Variants in PABPC4L observed in about 807,000 individuals in gnomAD.
PABPC4L encodes the protein poly(A) binding protein cytoplasmic 4 like, also known as polyadenylate-binding protein 4-like.
For missense variants in PABPC4L, 452 were observed against 451.4 expected (o/e 1.00, Z -0.01); for synonymous variants, 169 against 164.1 (o/e 1.03, Z -0.23).
the PABPC4L span, among the ~76,000 whole-genome samples, chr4:134,086,818 A>G: frequency 8.8e-6 from 1 of 113,978 alleles, no homozygotes; most frequent in Non-Finnish European, 1.9e-5. Flanking sequence ...TTTTATTATT[A>G]TACTTTAAGA....
the PABPC4L span, among the ~76,000 whole-genome samples, chr4:133,950,062 C>T: frequency 6.6e-6 from 1 of 152,154 alleles, no homozygotes; most frequent in Non-Finnish European, 1.5e-5. Context: ...TTCTCTCTAG[C>T]TTTCCAGAGG....
At chr4:134,180,271 C>T in the PABPC4L span, among the ~76,000 whole-genome samples, 3 of 151,832 alleles carry the variant, frequency 2.0e-5, no homozygotes, top group East Asian at 5.8e-4. Context: ...AACTTAAAAA[C>T]TTGGCTTTTG....
At chr4:133,972,504 GGA>G in the PABPC4L span, among the ~76,000 whole-genome samples, 1 of 151,990 alleles carries the variant, frequency 6.6e-6, no homozygotes, top group South Asian at 2.1e-4. Context: ...TCCATCTCTG[GGA>G]GTTCCTTTGG....
At chr4:134,045,227 ATATTAGTGAAGATC>A in the PABPC4L span, among the ~76,000 whole-genome samples, 2 of 152,188 alleles carry the variant, frequency 1.3e-5, no homozygotes, top group Non-Finnish European at 2.9e-5. Flanking sequence ...AAATTTTAAA[ATATTAGTGAAGATC>A]TATTATACCC....
chr4:134,113,287 C>G, the PABPC4L span, among the ~76,000 whole-genome samples: 581 of 152,064 alleles, frequency 3.8e-3, 5 homozygotes, highest in African/African-American at 0.014. Context: ...CCCTCACATT[C>G]ACTCACCACT....
chr4:133,972,332 T>G, the PABPC4L span, among the ~76,000 whole-genome samples: 23 of 152,300 alleles, frequency 1.5e-4, no homozygotes, highest in African/African-American at 5.5e-4. Context: ...GTATACTTAT[T>G]TTGAATGAAT....
the PABPC4L span, among the ~76,000 whole-genome samples, chr4:134,142,039 T>G: frequency 6.6e-6 from 1 of 151,710 alleles, no homozygotes; most frequent in African/African-American, 2.4e-5. Context: ...ATTTCATGTT[T>G]ATGCAGAGGA....
the PABPC4L span, among the ~76,000 whole-genome samples, chr4:134,013,145 G>A: frequency 4.9e-3 from 742 of 151,630 alleles, 8 homozygotes; most frequent in African/African-American, 0.017. Context: ...CCCCTTCTCC[G>A]CTTTTCTAGG....
chr4:134,194,930 G>T (rs1446028182), downstream of PABPC4L, among the ~76,000 whole-genome samples: 1 of 151,634 alleles, frequency 6.6e-6, no homozygotes, highest in Non-Finnish European at 1.5e-5. Flanking sequence ...GGTTTTTAAG[G>T]AGAAGAATGA....
At chr4:133,985,462 C>T in the PABPC4L span, among the ~76,000 whole-genome samples, 1 of 151,688 alleles carries the variant, frequency 6.6e-6, no homozygotes, top group Non-Finnish European at 1.5e-5. Flanking sequence ...ATTACAAATC[C>T]AAATATATCT....
chr4:134,175,449 CAATT>C, the PABPC4L span, among the ~76,000 whole-genome samples: 12 of 151,308 alleles, frequency 7.9e-5, no homozygotes, highest in African/African-American at 2.2e-4. Flanking sequence ...ATTAATCAAT[CAATT>C]AATTAATTAA....
the PABPC4L span, among the ~76,000 whole-genome samples, chr4:134,147,713 G>A: frequency 1.3e-3 from 190 of 146,744 alleles, 1 homozygote; most frequent in African/African-American, 4.6e-3. Flanking sequence ...GGTAGTCAAT[G>A]TTCAGAAATT....
At chr4:134,066,242 T>A in the PABPC4L span, among the ~76,000 whole-genome samples, 1 of 152,090 alleles carries the variant, frequency 6.6e-6, no homozygotes, top group Non-Finnish European at 1.5e-5. Context: ...TTTGTAATTC[T>A]CATTGTAGAC....
chr4:134,046,957 C>A, the PABPC4L span, among the ~76,000 whole-genome samples: 3 of 152,280 alleles, frequency 2.0e-5, no homozygotes, highest in South Asian at 6.2e-4. Flanking sequence ...GACACAGTAA[C>A]AGTCTGATCT....
chr4:134,098,472 A>T, the PABPC4L span, among the ~76,000 whole-genome samples: 1 of 151,598 alleles, frequency 6.6e-6, no homozygotes, highest in Non-Finnish European at 1.5e-5. Flanking sequence ...TGGGGAAGAC[A>T]TCATCAATAT....
At chr4:134,073,383 C>A in the PABPC4L span, among the ~76,000 whole-genome samples, 1 of 152,214 alleles carries the variant, frequency 6.6e-6, no homozygotes, top group Non-Finnish European at 1.5e-5. Context: ...ATCCAGGTCA[C>A]GCTGATGGAA....
At chr4:133,951,977 C>G in the PABPC4L span, among the ~76,000 whole-genome samples, 1 of 152,148 alleles carries the variant, frequency 6.6e-6, no homozygotes, top group African/African-American at 2.4e-5. Flanking sequence ...CTTTCTGTCA[C>G]CAATTAGATG....
the PABPC4L span, among the ~76,000 whole-genome samples, chr4:134,044,455 G>A: frequency 4.9e-3 from 737 of 151,816 alleles, 9 homozygotes; most frequent in African/African-American, 0.017. Context: ...TAATAGAGAC[G>A]GTGTTTCACC....
chr4:134,113,817 A>G, the PABPC4L span, among the ~76,000 whole-genome samples: 897 of 151,994 alleles, frequency 5.9e-3, 11 homozygotes, highest in African/African-American at 0.02. Flanking sequence ...AGAAACCTGT[A>G]TAAAGGCCCA....
Sources: allele counts gnomAD v4.1 joint callset (sites outside exome capture counted in the v4.1 genomes callset), GRCh38; gene constraint gnomAD v4.1.1; transcripts MANE v1.5; gene names NCBI Gene and HGNC (gene_info 2026-07-23, HGNC 2026-07-21).